The following LAMP1 variants were observed in gnomAD, a reference collection of about 807,000 sequenced individuals.
The protein encoded by LAMP1 is lysosome-associated membrane glycoprotein 1.
Under a neutral mutation model 37.5 loss-of-function variants are expected in LAMP1, and 7 were observed. The observed-to-expected ratio is 0.19, with a 90% CI of 0.11 to 0.35. The LOEUF is 0.35. Ranked by LOEUF, LAMP1 falls within the 10% of genes least tolerant of loss-of-function variation. LAMP1 has a pLI of 1.00. For synonymous variants in LAMP1, 236 were observed against 229.1 expected (o/e 1.03, Z -0.27); for missense variants, 537 against 552.8 (o/e 0.97, Z 0.29).
intron 1 of LAMP1, among the ~76,000 whole-genome samples, chr13:113,303,479 G>A (rs1487304748): frequency 6.6e-6 from 1 of 151,940 alleles, no homozygotes; most frequent in Non-Finnish European, 1.5e-5. Flanking sequence ...TGTGACACCT[G>A]TCAGGTTACT....
At chr13:113,306,442 C>T in intron 1 of LAMP1, 43 bp from the exon 2 acceptor site, 2 of 1,595,946 alleles carry the variant, frequency 1.3e-6, no homozygotes, top group Non-Finnish European at 1.7e-6. Flanking sequence ...GTCGTATTTT[C>T]TGGACAGTTT....
chr13:113,298,625 T>C (rs1157418680), intron 1 of LAMP1, among the ~76,000 whole-genome samples: 1 of 152,234 alleles, frequency 6.6e-6, no homozygotes, highest in African/African-American at 2.4e-5. Context: ...CTTTTTTGTT[T>C]TGCCTGTTGT....
In LAMP1 at chr13:113,320,246, CAAA is replaced by C; in HGVS notation, c.751-98_751-96del. 1 of 1,447,642 alleles carries C rather than the reference CAAA, an allele frequency of 6.9e-7. No homozygotes were observed. The highest frequency in any genetic ancestry group is 9.6e-7 in the Non-Finnish European group (1 of 1,043,038). 89.7% of individuals were successfully genotyped at this position (1,447,642 alleles called of 1,614,324 possible). A position where few individuals can be genotyped will look rare whatever the true frequency, so the allele number is the denominator to read the frequency against. On this transcript the variant is annotated intron_variant, in intron 5 of 8. Coordinates refer to ENST00000332556, the MANE Select transcript of LAMP1 (RefSeq NM_005561.4). This position sits in a 1 kb window ranked among gnomAD's most constrained non-coding sequence, Gnocchi z 4.4. ...GTTTTCCTTCTGGTTTTGGTTAAAA[CAAA>C]TGTGGCCTTGAATTCACGGTTTCAG...
At chr13:113,300,545 G>A (rs913908416) in intron 1 of LAMP1, among the ~76,000 whole-genome samples, 9 of 151,582 alleles carry the variant, frequency 5.9e-5, no homozygotes, top group African/African-American at 1.2e-4. Flanking sequence ...GGTGGCTCAT[G>A]CCTGTAATCC....
In LAMP1 at chr13:113,317,102, C is replaced by G. The variant is rs113405703; in HGVS notation, c.563-2367C>G. 5.7e-3 allele frequency among the ~76,000 whole-genome samples: 867 copies of G among 152,276 alleles called. 3 individuals carry two copies. The highest frequency in any genetic ancestry group is 9.1e-3 in the Non-Finnish European group (620 of 68,018). On this transcript the variant is annotated intron_variant, in intron 4 of 8. Coordinates refer to ENST00000332556, the MANE Select transcript of LAMP1 (RefSeq NM_005561.4). ...GCAGCTTGCAGGTTGATGTGAGTAT[C>G]TGCTGTTGCCGGGAGAGGAGGAGGG...
chr13:113,316,063 A>G lies in LAMP1; in HGVS notation c.563-3406A>G, dbSNP rs137869883. On this transcript the variant is annotated intron_variant, in intron 4 of 8. Transcript: ENST00000332556. Reference sequence around the variant, plus strand: ...GGTTGCAGTGAGCTGAGATCATGCTACTGCACTCCAGCCCAGCTGACAGAG... The same window carrying G: ...GGTTGCAGTGAGCTGAGATCATGCTGCTGCACTCCAGCCCAGCTGACAGAG... Among the ~76,000 whole-genome samples, 26 of 152,266 alleles carry G rather than the reference A, an allele frequency of 1.7e-4. 1 individual carries two copies. In the East Asian group the frequency reaches 4.7e-3, roughly 27 times the overall value.
At chr13:113,308,860 T>C (rs1342547439) in intron 2 of LAMP1, among the ~76,000 whole-genome samples, 1 of 152,200 alleles carries the variant, frequency 6.6e-6, no homozygotes, top group Non-Finnish European at 1.5e-5. Flanking sequence ...CTAGTTTACT[T>C]TGATGAACAT....
chr13:113,320,196 A>C lies in LAMP1; in HGVS notation c.751-149A>C. ...GGGAGAGTCATCTTGGGATCCCGAA[A>C]TCTGTACTAGTGTGGTCTTTCAGTG... On this transcript the variant is annotated intron_variant, in intron 5 of 8. Transcript: ENST00000332556. The surrounding 1 kb of genome is among the most constrained non-coding windows in gnomAD (Gnocchi z 4.4). The C allele has an allele frequency of 1.1e-6, 1 of 915,346 alleles. No individual in the cohort carries two copies. Among genetic ancestry groups the C allele is most frequent in the Non-Finnish European group, 1.7e-6 (1 of 590,586 alleles). The allele number at this position is 915,346 out of a possible 1,614,324, so 56.7% of individuals were successfully genotyped here. A position where few individuals can be genotyped will look rare whatever the true frequency, so the allele number is the denominator to read the frequency against.
At chr13:113,317,078 C>T (rs1368135208) in intron 4 of LAMP1, among the ~76,000 whole-genome samples, 1 of 152,146 alleles carries the variant, frequency 6.6e-6, no homozygotes, top group Non-Finnish European at 1.5e-5. Context: ...GTCTGAATTG[C>T]AGCTTGCAGG....
chr13:113,298,356 C>T (rs898012627), intron 1 of LAMP1, among the ~76,000 whole-genome samples: 2 of 152,126 alleles, frequency 1.3e-5, no homozygotes, highest in African/African-American at 4.8e-5. Context: ...TGTGTGCTGT[C>T]TCTTTAAGAC....
intron 4 of LAMP1, among the ~76,000 whole-genome samples, chr13:113,313,432 A>G (rs534929318): frequency 1.1e-4 from 16 of 152,192 alleles, no homozygotes; most frequent in Non-Finnish European, 1.8e-4. Context: ...TTCCTTTTTT[A>G]ATGGAGAACA....
intron 1 of LAMP1, 51 bp from the exon 2 acceptor site, chr13:113,306,434 C>T (rs535187597): frequency 7.6e-6 from 12 of 1,581,566 alleles, no homozygotes; most frequent in African/African-American, 1.4e-5. Flanking sequence ...AATACTCGGT[C>T]GTATTTTCTG....
chr13:113,307,052 G>A (rs2042603349), intron 2 of LAMP1, among the ~76,000 whole-genome samples: 1 of 151,852 alleles, frequency 6.6e-6, no homozygotes, highest in African/African-American at 2.4e-5. Context: ...TGTTAGCCTT[G>A]ATGGTCTCAG....
intron 4 of LAMP1, 143 bp from the exon 5 acceptor site, chr13:113,319,325 AG>A: frequency 2.7e-6 from 2 of 738,548 alleles, no homozygotes; most frequent in South Asian, 4.0e-5. Flanking sequence ...GGCATTAGCG[AG>A]AGCCACCTTG....
At chr13:113,299,059 G>C (rs1333730555) in intron 1 of LAMP1, among the ~76,000 whole-genome samples, 1 of 152,056 alleles carries the variant, frequency 6.6e-6, no homozygotes, top group African/African-American at 2.4e-5. Flanking sequence ...AGAATTGCTT[G>C]AACCCGGGAA....
At chr13:113,311,075 AG>A (rs1335223421) in intron 4 of LAMP1, among the ~76,000 whole-genome samples, 2 of 152,240 alleles carry the variant, frequency 1.3e-5, no homozygotes, top group East Asian at 3.9e-4. Flanking sequence ...TTGATTAAAA[AG>A]GGTGGAATAT....
intron 4 of LAMP1, among the ~76,000 whole-genome samples, chr13:113,318,332 G>A (rs988129123): frequency 6.6e-6 from 1 of 152,244 alleles, no homozygotes; most frequent in Non-Finnish European, 1.5e-5. Context: ...GCAGGTGACT[G>A]ATGGAGTTAT....
rs1300399970 is a variant in LAMP1 at position 113,301,666 on chromosome 13, T to A, written c.61+4171T>A. 1.3e-3 allele frequency among the ~76,000 whole-genome samples: 14 copies of A among 11,136 alleles called. 1 individual carries two copies. The highest frequency in any genetic ancestry group is 0.077 in the Middle Eastern group (2 of 26). 7.3% of individuals were successfully genotyped at this position (11,136 alleles called of 152,430 possible). On this transcript the variant is annotated intron_variant, in intron 1 of 8. Coordinates refer to ENST00000332556, the MANE Select transcript of LAMP1 (RefSeq NM_005561.4). ...AAAAATATATATATATATATATATA[T>A]ATATATATATATATATATATATATA...
rs1273124429 is a variant in LAMP1 at position 113,297,422 on chromosome 13, G to A, written c.-13G>A. ...GCCCCCGCTCCCCGCACCGTACCCGGCCGCCTCGCGCCATGGCGGCCCCCG... is the reference window on the plus strand; with the variant it reads ...GCCCCCGCTCCCCGCACCGTACCCGACCGCCTCGCGCCATGGCGGCCCCCG... On this transcript the variant is annotated 5_prime_UTR_variant, in exon 1 of 9. Coordinates refer to ENST00000332556, the MANE Select transcript of LAMP1 (RefSeq NM_005561.4). This position sits in a 1 kb window ranked among gnomAD's most constrained non-coding sequence, Gnocchi z 4.4. 2 of 875,550 alleles carry A rather than the reference G, an allele frequency of 2.3e-6. No individual in the cohort carries two copies. Among genetic ancestry groups the A allele is most frequent in the South Asian group, 8.1e-5 (2 of 24,706 alleles). The allele number at this position is 875,550 out of a possible 1,614,324, so 54.2% of individuals were successfully genotyped here. A position where few individuals can be genotyped will look rare whatever the true frequency, so the allele number is the denominator to read the frequency against.
Sources: allele counts gnomAD v4.1 joint callset (sites outside exome capture counted in the v4.1 genomes callset), GRCh38; gene constraint gnomAD v4.1.1; non-coding constraint Gnocchi (gnomAD v3.1); transcripts MANE v1.5; gene names NCBI Gene and HGNC (gene_info 2026-07-23, HGNC 2026-07-21).